AOAH: variants seen among roughly 807,000 people sequenced by gnomAD.
AOAH encodes the protein acyloxyacyl hydrolase (neutrophil).
A neutral mutation model predicts 92.2 loss-of-function variants in AOAH; 64 were observed. The ratio of observed to expected loss-of-function variants is 0.69; its 90% confidence interval spans 0.57 to 0.86. The LOEUF (loss-of-function observed/expected upper bound fraction) is 0.86, where lower values mean the gene tolerates loss of function less well. Among genes scored for constraint, AOAH ranks in the 40% least tolerant of loss-of-function variants. AOAH has a pLI of 0.00. For synonymous variants in AOAH, 263 were observed against 254.5 expected (o/e 1.03, Z -0.32); for missense variants, 656 against 694.6 (o/e 0.94, Z 0.62).
intron 11 of AOAH, among the ~76,000 whole-genome samples, chr7:36,597,009 TC>T (rs1308729629): frequency 2.6e-5 from 4 of 152,192 alleles, no homozygotes; most frequent in South Asian, 2.1e-4. Flanking sequence ...CTTCCTCTGC[TC>T]CTCCTTCTTC....
intron 1 of AOAH, among the ~76,000 whole-genome samples, chr7:36,697,954 C>A (rs1797821322): frequency 6.6e-6 from 1 of 152,160 alleles, no homozygotes; most frequent in African/African-American, 2.4e-5. Flanking sequence ...CTGGCAACCA[C>A]CAGAGGCTAG....
At chr7:36,566,920 C>T (rs1787755550) in intron 13 of AOAH, among the ~76,000 whole-genome samples, 1 of 152,096 alleles carries the variant, frequency 6.6e-6, no homozygotes, top group South Asian at 2.1e-4. Flanking sequence ...CAGCGATTCT[C>T]CTGCTAAGTC....
chr7:36,531,859 T>C (rs1256627408), intron 18 of AOAH, among the ~76,000 whole-genome samples: 1 of 151,832 alleles, frequency 6.6e-6, no homozygotes, highest in African/African-American at 2.4e-5. Flanking sequence ...TGTGTGTGTG[T>C]GTGTATGTGT....
At chr7:36,518,040 C>T (rs958792951) in intron 20 of AOAH, among the ~76,000 whole-genome samples, 37 of 152,068 alleles carry the variant, frequency 2.4e-4, no homozygotes, top group African/African-American at 8.0e-4. Flanking sequence ...CGAATTTAGA[C>T]ACAGTAAAAT....
chr7:36,569,634 A>G (rs1182162396), intron 13 of AOAH, among the ~76,000 whole-genome samples: 5 of 149,846 alleles, frequency 3.3e-5, no homozygotes, highest in Admixed American at 2.7e-4. Flanking sequence ...TTTTAGATGG[A>G]GTTTCCACTC....
At chr7:36,574,921 T>C (rs1429244735) in intron 13 of AOAH, among the ~76,000 whole-genome samples, 1 of 152,238 alleles carries the variant, frequency 6.6e-6, no homozygotes, top group Non-Finnish European at 1.5e-5. Flanking sequence ...ATCCTGATTT[T>C]TCTTTCGGCA....
At chr7:36,536,375 C>T (rs1192464595) in intron 16 of AOAH, among the ~76,000 whole-genome samples, 1 of 152,124 alleles carries the variant, frequency 6.6e-6, no homozygotes, top group East Asian at 1.9e-4. Flanking sequence ...ACCCTCTTCC[C>T]CCTACTTTTT....
At chr7:36,699,017 A>ATTTT (rs70977180) in intron 1 of AOAH, among the ~76,000 whole-genome samples, 1 of 150,524 alleles carries the variant, frequency 6.6e-6, no homozygotes, top group South Asian at 2.1e-4. Flanking sequence ...TATGAGATCC[A>ATTTT]TTTTTTTTTA....
At chr7:36,656,861 G>A (rs1031439772) in intron 4 of AOAH, among the ~76,000 whole-genome samples, 30 of 132,440 alleles carry the variant, frequency 2.3e-4, no homozygotes, top group Non-Finnish European at 4.6e-4. Flanking sequence ...AAGGGGAGGG[G>A]TGGCACAAAG....
In AOAH at chr7:36,724,236, C is replaced by T. The variant is rs1799837172; in HGVS notation, c.-88G>A. The T allele has an allele frequency of 6.7e-7, 1 of 1,497,448 alleles. No homozygotes were observed. Among genetic ancestry groups the T allele is most frequent in the Non-Finnish European group, 9.2e-7 (1 of 1,086,786 alleles). 92.8% of individuals were successfully genotyped at this position (1,497,448 alleles called of 1,614,324 possible). A position where few individuals can be genotyped will look rare whatever the true frequency, so the allele number is the denominator to read the frequency against. Reference sequence around the variant, plus strand: ...AGCTGAGGCTGCAGAATCAATTGATCTCTCTCTCCTTCTCTTCCTCACTCT... The same window carrying T: ...AGCTGAGGCTGCAGAATCAATTGATTTCTCTCTCCTTCTCTTCCTCACTCT... On this transcript the variant is annotated 5_prime_UTR_variant, in exon 1 of 21. Transcript: ENST00000617537.
chr7:36,653,743 C>G (rs952519721), intron 4 of AOAH, among the ~76,000 whole-genome samples: 1 of 152,176 alleles, frequency 6.6e-6, no homozygotes, highest in African/African-American at 2.4e-5. Context: ...TAATGTAGAT[C>G]AAAGTGGCTG....
intron 11 of AOAH, among the ~76,000 whole-genome samples, chr7:36,604,627 C>A (rs141611331): frequency 6.6e-6 from 1 of 152,286 alleles, no homozygotes; most frequent in African/African-American, 2.4e-5. Flanking sequence ...TTCACTTGGT[C>A]TTTTTTCTTC....
chr7:36,699,632 T>TTTTTTTTTTTTTTTTTTTTTTTTTTTAA, intron 1 of AOAH, among the ~76,000 whole-genome samples: 1 of 23,068 alleles, frequency 4.3e-5, no homozygotes, highest in East Asian at 3.2e-3. Flanking sequence ...TAAATTGGAT[T>TTTTTTTTTTTTTTTTTTTTTTTTTTTAA]ATTTGTTTTT....
chr7:36,620,256 G>T (rs1792181875), intron 9 of AOAH, among the ~76,000 whole-genome samples: 1 of 152,010 alleles, frequency 6.6e-6, no homozygotes, highest in Non-Finnish European at 1.5e-5. Context: ...TGTTAGTTTG[G>T]CTTTCCTCTT....
intron 11 of AOAH, among the ~76,000 whole-genome samples, chr7:36,598,484 T>C (rs1245100869): frequency 1.3e-5 from 2 of 152,182 alleles, no homozygotes; most frequent in Non-Finnish European, 1.5e-5. Context: ...ACTATAGAAA[T>C]ATCACCTTAT....
intron 1 of AOAH, among the ~76,000 whole-genome samples, chr7:36,714,612 C>CA (rs1200937443): frequency 1.3e-5 from 2 of 152,220 alleles, no homozygotes; most frequent in African/African-American, 2.4e-5. Context: ...AGCCTCACAT[C>CA]AAAAAGCTTA....
intron 16 of AOAH, among the ~76,000 whole-genome samples, chr7:36,538,961 C>T (rs1441744848): frequency 6.6e-6 from 1 of 152,170 alleles, no homozygotes; most frequent in African/African-American, 2.4e-5. Context: ...ACTAAGAGAC[C>T]AGAGCCTTTG....
chr7:36,535,255 G>A, intron 16 of AOAH, among the ~76,000 whole-genome samples: 1 of 152,112 alleles, frequency 6.6e-6, no homozygotes, highest in East Asian at 1.9e-4. Flanking sequence ...AAGATCAAAG[G>A]TGTGTTCTTC....
intron 1 of AOAH, among the ~76,000 whole-genome samples, chr7:36,690,414 C>A (rs1444087502): frequency 1.3e-5 from 2 of 152,278 alleles, no homozygotes; most frequent in African/African-American, 4.8e-5. Flanking sequence ...CCAGTGGGCT[C>A]ACCTCCCCTT....
Sources: allele counts gnomAD v4.1 joint callset (sites outside exome capture counted in the v4.1 genomes callset), GRCh38; gene constraint gnomAD v4.1.1; transcripts MANE v1.5; gene names NCBI Gene and HGNC (gene_info 2026-07-23, HGNC 2026-07-21).